Variants in SETD1B observed in about 807,000 individuals in gnomAD.
SETD1B encodes SET domain containing 1B, histone lysine methyltransferase.
SETD1B carries 7 observed loss-of-function variants against 148.0 expected under a neutral mutation model. That is an observed-to-expected ratio of 0.05 (90% CI 0.03 to 0.09). The LOEUF (loss-of-function observed/expected upper bound fraction) is 0.09, where lower values mean the gene tolerates loss of function less well. Among genes scored for constraint, SETD1B ranks in the 10% least tolerant of loss-of-function variants. The pLI, the probability that SETD1B is intolerant of heterozygous loss-of-function variation, is 1.00. For missense variants in SETD1B, 2,155 were observed against 2,729.9 expected, an observed-to-expected ratio of 0.79 and a Z score of 4.69; for synonymous variants, 1,361 against 1,186.5, an observed-to-expected ratio of 1.15 and a Z score of -3.02.
Position 121,825,242 on chromosome 12 carries a change from G to A in SETD1B, c.5213G>A (p.Gly1738Asp). The A allele has an allele frequency of 1.3e-6, 2 of 1,551,656 alleles. No individual in the cohort carries two copies. The highest frequency in any genetic ancestry group is 1.4e-5 in the African/African-American group (1 of 73,172). Residue 1738 changes from glycine to aspartate, a missense_variant, in exon 13 of 17, where the codon GGC (glycine) becomes GAC (aspartate). Physicochemically the swap from Gly to Asp is moderately conservative, Grantham distance 94. Transcript: ENST00000604567. ...SSAKKKKRDD[G>D]IREHVTGCAR... ...GCTAAGAAGAAGAAACGGGACGATG[G>A]CATCCGCGAGCACGTGACGGGCTGT...
the SETD1B span, among the ~76,000 whole-genome samples, chr12:121,790,416 C>T: frequency 2.6e-5 from 4 of 152,258 alleles, no homozygotes; most frequent in Admixed American, 1.3e-4. Flanking sequence ...TCTACGTGGC[C>T]GCCTGGCCAT....
At chr12:121,798,803 G>A in the SETD1B span, among the ~76,000 whole-genome samples, 6 of 152,298 alleles carry the variant, frequency 3.9e-5, no homozygotes, top group East Asian at 9.6e-4. Context: ...TCACAAGGAG[G>A]GGGGCTCCGA....
rs1306417098 is a variant in SETD1B at position 121,810,623 on chromosome 12, CCCT to C, written c.1680_1682del (p.Ser562del). ...GCCAGGCTTCCGGGGCCCCACGCCC[CCCT>C]CGTCACGCCCCTCCAGCACCGGCCT... On this transcript the variant is annotated inframe_deletion, in exon 6 of 17. Transcript: ENST00000604567. This position sits in a 1 kb window ranked among gnomAD's most constrained non-coding sequence, Gnocchi z 7.6. 6.5e-7 allele frequency: 1 copy of C among 1,548,420 alleles called. No individual in the cohort carries two copies. The highest frequency in any genetic ancestry group is 8.7e-7 in the Non-Finnish European group (1 of 1,146,500).
In SETD1B at chr12:121,830,003, G is replaced by A; in HGVS notation, c.5728-63G>A. ...GCACAGGCCTGGTTGGGTTTGGGGG[G>A]TCTGCAGTGGTGGGGGACCCTGGGG... On this transcript the variant is annotated intron_variant, in intron 16 of 16. Coordinates refer to ENST00000604567, the MANE Select transcript of SETD1B (RefSeq NM_001353345.2). This position sits in a 1 kb window ranked among gnomAD's most constrained non-coding sequence, Gnocchi z 5.7. 1 of 1,476,468 alleles carries A rather than the reference G, an allele frequency of 6.8e-7. No individual in the cohort carries two copies. The highest frequency in any genetic ancestry group is 9.1e-7 in the Non-Finnish European group (1 of 1,095,166). The allele number at this position is 1,476,468 out of a possible 1,614,324, so 91.5% of individuals were successfully genotyped here. A position where few individuals can be genotyped will look rare whatever the true frequency, so the allele number is the denominator to read the frequency against.
rs917869170 is a variant in SETD1B at position 121,819,298 on chromosome 12, G to A, written c.3419-106G>A. The A allele has an allele frequency of 4.0e-5, 61 of 1,510,064 alleles. No homozygotes were observed. The East Asian group carries it at 1.4e-3, about 34-fold the overall frequency. The allele number at this position is 1,510,064 out of a possible 1,614,324, so 93.5% of individuals were successfully genotyped here. A position where few individuals can be genotyped will look rare whatever the true frequency, so the allele number is the denominator to read the frequency against. On this transcript the variant is annotated intron_variant, in intron 10 of 16. Coordinates refer to ENST00000604567, the MANE Select transcript of SETD1B (RefSeq NM_001353345.2). ...TGCCCCACACACATATCTGAGGGCC[G>A]TGTTCAGCCTGGGTGCCACCAGTTT...
upstream of SETD1B, chr12:121,802,606 A>G (rs1054200455): frequency 3.3e-5 from 5 of 152,254 alleles, no homozygotes; most frequent in Non-Finnish European, 4.4e-5. Context: ...TAGAACAAAA[A>G]GAGGAAAAAA....
intron 6 of SETD1B, among the ~76,000 whole-genome samples, chr12:121,813,029 T>G (rs1876115867): frequency 1.3e-5 from 2 of 151,018 alleles, no homozygotes; most frequent in Non-Finnish European, 3.0e-5. Flanking sequence ...ACGCCCATCC[T>G]TGACACCTCC....
chr12:121,803,111 C>A (rs1398153623), upstream of SETD1B: 1 of 152,024 alleles, frequency 6.6e-6, no homozygotes, highest in Non-Finnish European at 1.5e-5. This position sits in a 1 kb window ranked among gnomAD's most constrained non-coding sequence, Gnocchi z 4.7. Flanking sequence ...CGAGCCCCGG[C>A]GAGGCGGCTC....
intron 14 of SETD1B, 38 bp downstream of exon 14, chr12:121,827,688 C>A: frequency 6.4e-7 from 1 of 1,551,588 alleles, no homozygotes; most frequent in Non-Finnish European, 8.7e-7. Context: ...GGGGTGGCGG[C>A]AGGACCTGAG....
In SETD1B at chr12:121,827,663, T is replaced by C. The variant is rs1178374857; in HGVS notation, c.5469+13T>C. Reference sequence around the variant, plus strand: ...CAACCAGCTCAAGGTGAGGCCGGGCTTCACCCAGATCGCCGGGGTGGCGGC... The same window carrying C: ...CAACCAGCTCAAGGTGAGGCCGGGCCTCACCCAGATCGCCGGGGTGGCGGC... On this transcript the variant is annotated intron_variant, in intron 14 of 16. Transcript: ENST00000604567. 1 of 1,551,610 alleles carries C rather than the reference T, an allele frequency of 6.4e-7. No homozygotes were observed. Among genetic ancestry groups the C allele is most frequent in the Admixed American group, 2.0e-5 (1 of 51,004 alleles).
chr12:121,829,243 A>AT (rs933682492), intron 16 of SETD1B, among the ~76,000 whole-genome samples: 3 of 151,814 alleles, frequency 2.0e-5, no homozygotes, highest in Non-Finnish European at 4.4e-5. Flanking sequence ...GCAGGAGTGG[A>AT]TTTTTTCAGG....
intron 11 of SETD1B, among the ~76,000 whole-genome samples, chr12:121,822,203 C>T (rs566784339): frequency 5.3e-5 from 8 of 152,326 alleles, no homozygotes; most frequent in Admixed American, 3.9e-4. Flanking sequence ...AGTCATAGAG[C>T]AGATTTTCTT....
At chr12:121,800,263 TCC>T (rs1159005340), upstream of SETD1B, 3 of 151,948 alleles carry the variant, frequency 2.0e-5, no homozygotes, top group African/African-American at 7.3e-5. Context: ...TTCCCAGGCT[TCC>T]CCCACCTCCT....
chr12:121,797,437 A>C, the SETD1B span: 1 of 456,016 alleles, frequency 2.2e-6, no homozygotes, highest in African/African-American at 2.0e-5. Context: ...AGGAGGACAA[A>C]CTGCCTCACC....
In SETD1B at chr12:121,805,073, G is replaced by GA; in HGVS notation, c.175-45_175-44insA. The GA allele has an allele frequency of 6.5e-7, 1 of 1,534,356 alleles. No homozygotes were observed. Among genetic ancestry groups the GA allele is most frequent in the South Asian group, 1.2e-5 (1 of 83,596 alleles). The stretch of plus-strand genomic sequence containing the variant: ...CGAGAAAGGGGTCTGCCCATGGGGA[G>GA]GGGGACCAGTTCTCTCATCCCGGCC... On this transcript the variant is annotated intron_variant, in intron 2 of 16. Coordinates refer to ENST00000604567, the MANE Select transcript of SETD1B (RefSeq NM_001353345.2). The surrounding 1 kb of genome is among the most constrained non-coding windows in gnomAD (Gnocchi z 4.2).
chr12:121,829,707 C>T (rs1413615859), intron 16 of SETD1B, among the ~76,000 whole-genome samples: 2 of 152,160 alleles, frequency 1.3e-5, no homozygotes, highest in Non-Finnish European at 2.9e-5. Flanking sequence ...ATGGATATGG[C>T]TATGTGCCAG....
the SETD1B span, among the ~76,000 whole-genome samples, chr12:121,790,532 G>T: frequency 6.6e-6 from 1 of 152,214 alleles, no homozygotes; most frequent in Non-Finnish European, 1.5e-5. Flanking sequence ...TCCAGGCCTT[G>T]CTCCATGACA....
chr12:121,805,848 A>G lies in SETD1B; in HGVS notation c.287A>G (p.Tyr96Cys). 1 of 1,551,458 alleles carries G rather than the reference A, an allele frequency of 6.4e-7. No homozygotes were observed. The highest frequency in any genetic ancestry group is 8.7e-7 in the Non-Finnish European group (1 of 1,146,926). ...GGCCCCTGCCAGATCGATGAGTTCT[A>G]CGTGGGCCCGGTGCCTCCGAAGCAG... ...SVPKFKIDEFYVGPVPPKQVT... is the reference protein window; with the variant it reads ...SVPKFKIDEFCVGPVPPKQVT... The change falls in exon 4 of 17, where the codon TAC (tyrosine) becomes TGC (cysteine). Residue 96 changes from tyrosine (Y) to cysteine (C), a missense_variant. Around this residue, in one of 11 missense-constraint regions of SETD1B, gnomAD observed 124 missense variants for 282.9 expected, o/e 0.44. Transcript: ENST00000604567. This position sits in a 1 kb window ranked among gnomAD's most constrained non-coding sequence, Gnocchi z 4.2.
intron 12 of SETD1B, among the ~76,000 whole-genome samples, 177 bp from the exon 13 acceptor site, chr12:121,825,023 G>A (rs1257047885): frequency 6.6e-6 from 1 of 151,666 alleles, no homozygotes. Context: ...CATGCAACTA[G>A]GTATTGACCG....
Sources: gnomAD v4.1 joint callset for allele counts (sites outside exome capture counted in the v4.1 genomes callset) on GRCh38, gnomAD v4.1.1 for gene constraint, gnomAD v4.1.1 regional missense constraint, Gnocchi (gnomAD v3.1) non-coding constraint, MANE v1.5 for transcripts, NCBI Gene and HGNC (gene_info 2026-07-23, HGNC 2026-07-21) for gene names.